Variants in SSH2 observed in about 807,000 individuals in gnomAD.
SSH2 encodes protein phosphatase Slingshot homolog 2.
SSH2 carries 37 observed loss-of-function variants against 135.2 expected under a neutral mutation model. The observed-to-expected ratio is 0.27, with a 90% CI of 0.21 to 0.36. The LOEUF is 0.36. Ranked by LOEUF, SSH2 falls within the 10% of genes least tolerant of loss-of-function variation. The pLI is 1.00. For synonymous variants in SSH2, 628 were observed against 646.2 expected (o/e 0.97, Z 0.43); for missense variants, 1,408 against 1,765.3 (o/e 0.80, Z 3.63).
chr17:29,915,371 T>A (rs1327570438), intron 1 of SSH2, among the ~76,000 whole-genome samples: 1 of 152,228 alleles, frequency 6.6e-6, no homozygotes, highest in South Asian at 2.1e-4. Flanking sequence ...ATTAGACAGA[T>A]CATTCTTCTC....
chr17:29,867,021 T>G (rs1382136955), intron 1 of SSH2, among the ~76,000 whole-genome samples: 3 of 151,830 alleles, frequency 2.0e-5, no homozygotes, highest in Non-Finnish European at 4.4e-5. Context: ...TTTTTTTTTT[T>G]GGTAGAAATG....
In SSH2 at chr17:29,665,102, G is replaced by A. The variant is rs149238040; in HGVS notation, c.1032+1765C>T. ...TAGTCTCAGGGAAACAGTTGGGAGG[G>A]CCCCATAGAACGAGTGACTCACAAG... On this transcript the variant is annotated intron_variant, in intron 11 of 15. Coordinates refer to ENST00000540801, the MANE Select transcript of SSH2 (RefSeq NM_001282129.2). 2.1e-3 allele frequency among the ~76,000 whole-genome samples: 327 copies of A among 152,222 alleles called. 1 individual carries two copies. Among genetic ancestry groups the A allele is most frequent in the Non-Finnish European group, 3.7e-3 (252 of 68,014 alleles).
At chr17:29,846,551 A>T (rs2043136235) in intron 2 of SSH2, among the ~76,000 whole-genome samples, 1 of 152,250 alleles carries the variant, frequency 6.6e-6, no homozygotes, top group Non-Finnish European at 1.5e-5. Context: ...TGGATTTATC[A>T]GTTAACGTTT....
rs2040054878 is a variant in SSH2 at position 29,727,933 on chromosome 17, C to A, written c.189-24871G>T. On this transcript the variant is annotated intron_variant, in intron 3 of 15. Coordinates refer to ENST00000540801, the MANE Select transcript of SSH2 (RefSeq NM_001282129.2). ...CGATCGCTCACACCTGTAATCCCAG[C>A]ACTTTGGGAGGTCAAGGTGGGCAGA... Among the ~76,000 whole-genome samples, 3 of 152,218 alleles carry A rather than the reference C, an allele frequency of 2.0e-5. No individual in the cohort carries two copies. The South Asian group carries it at 6.2e-4, about 32-fold the overall frequency.
intron 1 of SSH2, among the ~76,000 whole-genome samples, chr17:29,923,002 C>T (rs1391348583): frequency 6.6e-6 from 1 of 152,196 alleles, no homozygotes; most frequent in Non-Finnish European, 1.5e-5. Context: ...CCTCTGCCTC[C>T]TGGGTTCAAG....
intron 3 of SSH2, among the ~76,000 whole-genome samples, chr17:29,711,010 T>G (rs867726034): frequency 6.6e-6 from 1 of 152,192 alleles, no homozygotes; most frequent in Non-Finnish European, 1.5e-5. Context: ...CCTGAGGGCA[T>G]TGACTTCCCA....
intron 1 of SSH2, among the ~76,000 whole-genome samples, chr17:29,919,201 G>A (rs1410075257): frequency 6.6e-6 from 1 of 152,174 alleles, no homozygotes; most frequent in Non-Finnish European, 1.5e-5. Context: ...AAATGAGTAA[G>A]TAAATAAATA....
intron 6 of SSH2, among the ~76,000 whole-genome samples, chr17:29,683,553 GA>G: frequency 6.6e-6 from 1 of 152,080 alleles, no homozygotes; most frequent in Non-Finnish European, 1.5e-5. Context: ...GTTTAAGTGG[GA>G]TCTCTTTGTA....
At chr17:29,906,420 A>G (rs2066654815) in intron 1 of SSH2, among the ~76,000 whole-genome samples, 1 of 152,210 alleles carries the variant, frequency 6.6e-6, no homozygotes, top group Non-Finnish European at 1.5e-5. Context: ...CTAGAAGAAA[A>G]TCTAGGCAAT....
chr17:29,631,333 G>C lies in SSH2; in HGVS notation c.3861C>G (p.Leu1287=). The change falls in exon 16 of 16, where the codon CTC becomes CTG. Residue 1287 remains leucine (L), a synonymous_variant. Coordinates refer to ENST00000540801, the MANE Select transcript of SSH2 (RefSeq NM_001282129.2). The part of the protein sequence containing the change: ...KPSQMRRSAS[L]AKLGYLDLCK... ...AGAGGTCCAAGTAACCTAATTTGGC[G>C]AGAGAAGCTGAGCGCCTCATTTGGG... 2.5e-6 allele frequency: 4 copies of C among 1,614,164 alleles called. No homozygotes were observed. The highest frequency in any genetic ancestry group is 3.4e-6 in the Non-Finnish European group (4 of 1,180,028).
intron 3 of SSH2, among the ~76,000 whole-genome samples, chr17:29,770,951 T>G (rs992751676): frequency 6.6e-6 from 1 of 152,178 alleles, no homozygotes; most frequent in Non-Finnish European, 1.5e-5. Flanking sequence ...TAAAATCCTG[T>G]GTAGGTAAGG....
chr17:29,770,397 C>A (rs1598970650), intron 3 of SSH2, among the ~76,000 whole-genome samples: 2 of 152,094 alleles, frequency 1.3e-5, no homozygotes, highest in South Asian at 4.1e-4. Flanking sequence ...GCGTGGGCCA[C>A]CTTGCCCAGC....
At chr17:29,882,442 A>T (rs2066155224) in intron 1 of SSH2, among the ~76,000 whole-genome samples, 1 of 152,178 alleles carries the variant, frequency 6.6e-6, no homozygotes, top group Non-Finnish European at 1.5e-5. Context: ...GGAGCTTTAC[A>T]ATACATGCTT....
intron 3 of SSH2, among the ~76,000 whole-genome samples, chr17:29,789,234 A>G (rs1311615976): frequency 6.6e-6 from 1 of 152,262 alleles, no homozygotes; most frequent in Non-Finnish European, 1.5e-5. Context: ...GTTAAGCAAA[A>G]GGGAACCAGA....
At chr17:29,757,978 C>G (rs756856295) in intron 3 of SSH2, among the ~76,000 whole-genome samples, 2 of 151,768 alleles carry the variant, frequency 1.3e-5, no homozygotes, top group African/African-American at 4.8e-5. Flanking sequence ...CCCAGGAGAT[C>G]GAGACTGCAA....
At chr17:29,740,681 G>A (rs2040526228) in intron 3 of SSH2, among the ~76,000 whole-genome samples, 1 of 152,064 alleles carries the variant, frequency 6.6e-6, no homozygotes, top group Non-Finnish European at 1.5e-5. Context: ...CTATAAATAA[G>A]GGCAGGAAAT....
chr17:29,669,536 T>C (rs2151039228), intron 9 of SSH2, among the ~76,000 whole-genome samples: 1 of 152,282 alleles, frequency 6.6e-6, no homozygotes, highest in Admixed American at 6.5e-5. Flanking sequence ...AACACACAAA[T>C]CTGCTTTTTC....
chr17:29,865,215 T>C (rs1392805781), intron 1 of SSH2, among the ~76,000 whole-genome samples: 1 of 152,182 alleles, frequency 6.6e-6, no homozygotes, highest in African/African-American at 2.4e-5. Flanking sequence ...AAGTCTACAA[T>C]TAAAAGAAGT....
At chr17:29,887,384 T>C (rs1233589756) in intron 1 of SSH2, among the ~76,000 whole-genome samples, 1 of 152,214 alleles carries the variant, frequency 6.6e-6, no homozygotes, top group Non-Finnish European at 1.5e-5. Context: ...TAGGTGTATT[T>C]CCTAGGTCCT....
Sources: gnomAD v4.1 joint callset for allele counts (sites outside exome capture counted in the v4.1 genomes callset) on GRCh38, gnomAD v4.1.1 for gene constraint, MANE v1.5 for transcripts, NCBI Gene and HGNC (gene_info 2026-07-23, HGNC 2026-07-21) for gene names.